The following TRMT11 variants were observed in gnomAD, a reference collection of about 807,000 sequenced individuals.
TRMT11 encodes tRNA (guanine(10)-N(2))-methyltransferase TRMT11.
Under a neutral mutation model 62.8 loss-of-function variants are expected in TRMT11, and 53 were observed. The observed-to-expected ratio is 0.84, with a 90% CI of 0.68 to 1.06. The LOEUF (loss-of-function observed/expected upper bound fraction) is 1.06, where lower values mean the gene tolerates loss of function less well. Ranked by LOEUF, TRMT11 falls within the 50% of genes least tolerant of loss-of-function variation. The pLI is 0.00. For synonymous variants in TRMT11, 188 were observed against 190.3 expected (o/e 0.99, Z 0.10); for missense variants, 556 against 553.4 (o/e 1.00, Z -0.05).
chr6:126,013,230 C>G (rs980278946), intron 11 of TRMT11, 129 bp downstream of exon 11: 2 of 822,606 alleles, frequency 2.4e-6, no homozygotes, highest in African/African-American at 1.7e-5. Context: ...CCTTTGTTTG[C>G]CTTCAAATGT....
At chr6:126,164,626 T>C (rs965120835) in intron 21 of TRMT11, among the ~76,000 whole-genome samples, 5 of 152,228 alleles carry the variant, frequency 3.3e-5, no homozygotes, top group African/African-American at 1.2e-4. Flanking sequence ...TTTGTAGGTC[T>C]CTAAGAACTT....
the TRMT11 span, among the ~76,000 whole-genome samples, chr6:126,214,962 TTTC>T: frequency 1.3e-5 from 2 of 151,952 alleles, no homozygotes; most frequent in South Asian, 4.1e-4. Context: ...ATTTCTCAAT[TTTC>T]TTCTTAATTT....
At chr6:126,237,073 G>C in the TRMT11 span, among the ~76,000 whole-genome samples, 8 of 151,616 alleles carry the variant, frequency 5.3e-5, no homozygotes, top group East Asian at 1.5e-3. Flanking sequence ...GATAGAGAGA[G>C]AGAGAGAGAG....
intron 21 of TRMT11, among the ~76,000 whole-genome samples, chr6:126,134,787 C>G (rs1388040085): frequency 2.0e-5 from 3 of 151,848 alleles, no homozygotes; most frequent in Middle Eastern, 6.3e-3. Flanking sequence ...TAAATCATAT[C>G]AAGTATATTT....
chr6:126,206,623 G>A (rs2128255131), downstream of TRMT11, among the ~76,000 whole-genome samples: 1 of 152,006 alleles, frequency 6.6e-6, no homozygotes, highest in Admixed American at 6.6e-5. Context: ...GTCTGTCATG[G>A]GTTATTTATT....
At chr6:126,164,161 C>G (rs1040533645) in intron 21 of TRMT11, among the ~76,000 whole-genome samples, 5 of 152,214 alleles carry the variant, frequency 3.3e-5, no homozygotes, top group Admixed American at 3.3e-4. Context: ...CCCAGAGATT[C>G]TGGCATGTTG....
intron 12 of TRMT11, among the ~76,000 whole-genome samples, chr6:126,025,974 G>A (rs1424844544): frequency 6.6e-6 from 1 of 152,110 alleles, no homozygotes; most frequent in African/African-American, 2.4e-5. Context: ...TGGATTATTG[G>A]TCATAGTTTT....
chr6:126,257,324 C>A, the TRMT11 span, among the ~76,000 whole-genome samples: 1 of 151,954 alleles, frequency 6.6e-6, no homozygotes, highest in Non-Finnish European at 1.5e-5. Context: ...TATATTAAAC[C>A]ATCCTTGCAT....
intron 17 of TRMT11, among the ~76,000 whole-genome samples, chr6:126,106,159 T>G (rs1334488036): frequency 6.6e-6 from 1 of 152,068 alleles, no homozygotes; most frequent in Non-Finnish European, 1.5e-5. Flanking sequence ...ATTTTTTTTT[T>G]TTTTGATTGA....
At chr6:126,033,778 AG>A (rs1774663239) in intron 12 of TRMT11, among the ~76,000 whole-genome samples, 2 of 152,152 alleles carry the variant, frequency 1.3e-5, no homozygotes, top group Admixed American at 6.6e-5. Flanking sequence ...AGTTCACATC[AG>A]GAAGTACTCT....
At chr6:126,259,526 A>G in the TRMT11 span, among the ~76,000 whole-genome samples, 27 of 152,326 alleles carry the variant, frequency 1.8e-4, no homozygotes, top group South Asian at 5.6e-3. Context: ...CCAGTCTACC[A>G]TTGATGGGTA....
intron 12 of TRMT11, among the ~76,000 whole-genome samples, chr6:126,027,343 A>T (rs1386965221): frequency 6.6e-6 from 1 of 152,232 alleles, no homozygotes; most frequent in Non-Finnish European, 1.5e-5. Flanking sequence ...ACTTGAACAG[A>T]TGAAAAGAGC....
chr6:126,201,471 T>C lies in TRMT11; in HGVS notation n.372-557T>C, dbSNP rs1778734088. Reference sequence around the variant, plus strand: ...TATGGGACCATTGCCTTCCAAGAACTGGACAGCATTTCCACAGATGTCCCT... The same window carrying C: ...TATGGGACCATTGCCTTCCAAGAACCGGACAGCATTTCCACAGATGTCCCT... On this transcript the variant is annotated intron_variant and non_coding_transcript_variant, in intron 3 of 3. Transcript: ENST00000444229. Among the ~76,000 whole-genome samples the C allele has an allele frequency of 3.3e-5, 5 of 152,344 alleles. No homozygotes were observed. In the South Asian group the frequency reaches 1.0e-3, roughly 32 times the overall value.
chr6:126,090,477 T>C (rs1171813987), intron 17 of TRMT11, among the ~76,000 whole-genome samples: 1 of 152,182 alleles, frequency 6.6e-6, no homozygotes, highest in Non-Finnish European at 1.5e-5. Context: ...AAGGGAAGTA[T>C]ATGTACACAC....
At chr6:125,999,332 T>G (rs192704963) in intron 6 of TRMT11, 125 bp from the exon 7 acceptor site, 1 of 583,614 alleles carries the variant, frequency 1.7e-6, no homozygotes, top group South Asian at 4.5e-5. Context: ...TTTAAATAAA[T>G]AAGTTTAGAG....
chr6:126,045,321 A>G (rs577543677), intron 16 of TRMT11, among the ~76,000 whole-genome samples: 143 of 152,322 alleles, frequency 9.4e-4, no homozygotes, highest in African/African-American at 3.4e-3. Context: ...ATAGAGCAAA[A>G]TCTCAGACCC....
the TRMT11 span, among the ~76,000 whole-genome samples, chr6:126,265,477 A>G: frequency 9.9e-5 from 15 of 151,956 alleles, no homozygotes; most frequent in African/African-American, 3.6e-4. Flanking sequence ...ACTCATGACT[A>G]GCAACTGAAA....
the TRMT11 span, among the ~76,000 whole-genome samples, chr6:126,240,153 A>T: frequency 3.3e-5 from 5 of 152,130 alleles, no homozygotes; most frequent in Non-Finnish European, 5.9e-5. Context: ...CGTGGGTTCA[A>T]ACTTCCTCCT....
the TRMT11 span, among the ~76,000 whole-genome samples, chr6:126,269,605 A>G: frequency 6.6e-6 from 1 of 152,216 alleles, no homozygotes; most frequent in Admixed American, 6.5e-5. Flanking sequence ...ACATATGCAC[A>G]AGATTATTCA....
Sources: gnomAD v4.1 joint callset for allele counts (sites outside exome capture counted in the v4.1 genomes callset) on GRCh38, gnomAD v4.1.1 for gene constraint, MANE v1.5 for transcripts, NCBI Gene and HGNC (gene_info 2026-07-23, HGNC 2026-07-21) for gene names.